HIPK2: variants seen among roughly 807,000 people sequenced by gnomAD.
HIPK2 encodes the protein homeodomain-interacting protein kinase 2.
A neutral mutation model predicts 113.7 loss-of-function variants in HIPK2; 27 were observed. The ratio of observed to expected loss-of-function variants is 0.24; its 90% CI spans 0.17 to 0.33. The LOEUF (loss-of-function observed/expected upper bound fraction) is 0.33. Among genes scored for constraint, HIPK2 ranks in the 10% least tolerant of loss-of-function variants. HIPK2 has a pLI of 1.00. For missense variants in HIPK2, 1,257 were observed against 1,588.0 expected (o/e 0.79, Z 3.54); for synonymous variants, 631 against 642.2 (o/e 0.98, Z 0.26).
intron 13 of HIPK2, among the ~76,000 whole-genome samples, chr7:139,582,458 C>T (rs535397881): frequency 6.6e-6 from 1 of 152,366 alleles, no homozygotes; most frequent in South Asian, 2.1e-4. Context: ...GGAGCGCTGG[C>T]TCTGATGTCA....
At chr7:139,608,499 T>C (rs1234704345) in intron 9 of HIPK2, among the ~76,000 whole-genome samples, 1 of 151,934 alleles carries the variant, frequency 6.6e-6, no homozygotes, top group Admixed American at 6.6e-5. Context: ...ATTATGTACA[T>C]GTATTACTTT....
chr7:139,682,511 C>T (rs1802740184), intron 2 of HIPK2, among the ~76,000 whole-genome samples: 2 of 152,180 alleles, frequency 1.3e-5, no homozygotes, highest in Admixed American at 1.3e-4. Flanking sequence ...TTTCCCTCAT[C>T]CCTCCCGCTG....
At chr7:139,666,540 A>T (rs1802054782) in intron 2 of HIPK2, among the ~76,000 whole-genome samples, 1 of 152,186 alleles carries the variant, frequency 6.6e-6, no homozygotes, top group East Asian at 1.9e-4. Flanking sequence ...CCACAGAGTA[A>T]ATAACTTTCT....
intron 1 of HIPK2, among the ~76,000 whole-genome samples, chr7:139,749,192 C>T (rs1029526814): frequency 6.6e-6 from 1 of 152,220 alleles, no homozygotes; most frequent in African/African-American, 2.4e-5. Flanking sequence ...ACCCAGACTC[C>T]TTAACATACT....
At chr7:139,603,241 T>G (rs1799500655) in intron 10 of HIPK2, among the ~76,000 whole-genome samples, 3 of 151,726 alleles carry the variant, frequency 2.0e-5, no homozygotes, top group African/African-American at 4.8e-5. Flanking sequence ...TTGAGGGGAG[T>G]GACCTGTCCT....
At chr7:139,774,828 C>A (rs991189400) in intron 1 of HIPK2, among the ~76,000 whole-genome samples, 1 of 152,178 alleles carries the variant, frequency 6.6e-6, no homozygotes, top group African/African-American at 2.4e-5. Flanking sequence ...AATGTTTAAC[C>A]TTCTAAAGAA....
chr7:139,697,877 T>A lies in HIPK2; in HGVS notation c.1103+18055A>T, dbSNP rs980087431. 1.3e-3 allele frequency among the ~76,000 whole-genome samples: 194 copies of A among 150,854 alleles called. 2 individuals are homozygous for A. The highest frequency in any genetic ancestry group is 2.0e-3 in the Non-Finnish European group (136 of 67,714). On this transcript the variant is annotated intron_variant, in intron 2 of 14. Transcript: ENST00000406875. ...GTCTTAATGGAATTTTTTTTTTTTT[T>A]TTTTTTTTTTGAGACGGAGTCTCGC...
At chr7:139,756,836 A>G (rs1007667364) in intron 1 of HIPK2, among the ~76,000 whole-genome samples, 3 of 152,204 alleles carry the variant, frequency 2.0e-5, no homozygotes, top group Non-Finnish European at 4.4e-5. Flanking sequence ...ATACTCTCCC[A>G]TATCTCCTTT....
rs149923932 is a variant in HIPK2, at chr7:139,755,883, C to T, written c.19+21722G>A. On this transcript the variant is annotated intron_variant, in intron 1 of 14. Coordinates refer to ENST00000406875, the MANE Select transcript of HIPK2 (RefSeq NM_022740.5). ...AGCTACCTTCTATTATCCATCTGCC[C>T]TTCAGATACTGCTTCTGTATCATAC... is the stretch of plus-strand genomic sequence containing the variant. 6.0e-3 allele frequency among the ~76,000 whole-genome samples: 911 copies of T among 152,344 alleles called. 11 individuals carry two copies. Among genetic ancestry groups the T allele is most frequent in the African/African-American group, 0.02 (816 of 41,578 alleles).
Position 139,681,629 on chromosome 7 carries a change from T to TG in HIPK2, c.1103+34302_1103+34303insC, listed in dbSNP as rs145728711. Among the ~76,000 whole-genome samples the TG allele has an allele frequency of 8.1e-3, 1,235 of 152,278 alleles. 19 individuals carry two copies. The highest frequency in any genetic ancestry group is 0.028 in the African/African-American group (1,172 of 41,540). ...TCCTTTCCTGCAATTCCAAATTGACTTTTGCTGTACAAGAAAATTAAGGAT... is the reference window on the plus strand; with the variant it reads ...TCCTTTCCTGCAATTCCAAATTGACTGTTTGCTGTACAAGAAAATTAAGGAT... On this transcript the variant is annotated intron_variant, in intron 2 of 14. Transcript: ENST00000406875.
chr7:139,661,860 CT>C (rs1376668892), intron 2 of HIPK2, among the ~76,000 whole-genome samples: 1 of 152,216 alleles, frequency 6.6e-6, no homozygotes, highest in Non-Finnish European at 1.5e-5. Flanking sequence ...TGCATTAACC[CT>C]TTTGACAGCC....
chr7:139,706,457 C>T (rs1028582290), intron 2 of HIPK2, among the ~76,000 whole-genome samples: 2 of 152,144 alleles, frequency 1.3e-5, no homozygotes, highest in Admixed American at 1.3e-4. Flanking sequence ...CATGGGATGC[C>T]GCTCATATCA....
chr7:139,614,562 G>T, intron 7 of HIPK2, 69 bp from the exon 8 acceptor site: 1 of 987,560 alleles, frequency 1.0e-6, no homozygotes. Flanking sequence ...CATGTTGGGA[G>T]ACACGAATCT....
At chr7:139,614,540 T>C (rs544231165) in intron 7 of HIPK2, 47 bp from the exon 8 acceptor site, 1 of 1,189,928 alleles carries the variant, frequency 8.4e-7, no homozygotes, top group Non-Finnish European at 1.1e-6. Flanking sequence ...AAATAAAAAA[T>C]GAGGGAGGTG....
chr7:139,701,061 C>G lies in HIPK2; in HGVS notation c.1103+14871G>C, dbSNP rs1049353055. Among the ~76,000 whole-genome samples the G allele has an allele frequency of 1.6e-3, 247 of 152,352 alleles. 1 individual carries two copies. The highest frequency in any genetic ancestry group is 3.4e-3 in the Middle Eastern group (1 of 294). Reference sequence around the variant, plus strand: ...TGTTTCTGTCAGCGCCAGCACCAAACTAACTGGGACCTGCATGGCGTCCTG... The same window carrying G: ...TGTTTCTGTCAGCGCCAGCACCAAAGTAACTGGGACCTGCATGGCGTCCTG... On this transcript the variant is annotated intron_variant, in intron 2 of 14. Coordinates refer to ENST00000406875, the MANE Select transcript of HIPK2 (RefSeq NM_022740.5).
Position 139,721,073 on chromosome 7 carries a change from G to A in HIPK2, c.20-4058C>T, listed in dbSNP as rs547428476. Among the ~76,000 whole-genome samples the A allele has an allele frequency of 9.3e-4, 142 of 152,260 alleles. 2 individuals carry two copies. The South Asian group carries it at 0.012, about 12-fold the overall frequency. ...GCTGGAAACACCCTGCACCACAGCC[G>A]GCTGCCTCAGACTCCGGCCTGGCCT... On this transcript the variant is annotated intron_variant, in intron 1 of 14. Transcript: ENST00000406875.
At chr7:139,696,560 G>A (rs1288904870) in intron 2 of HIPK2, among the ~76,000 whole-genome samples, 1 of 145,926 alleles carries the variant, frequency 6.9e-6, no homozygotes, top group Non-Finnish European at 1.5e-5. Flanking sequence ...TTTAGCCAGG[G>A]TGACTGAATG....
At chr7:139,709,402 A>G (rs970550827) in intron 2 of HIPK2, among the ~76,000 whole-genome samples, 1 of 152,258 alleles carries the variant, frequency 6.6e-6, no homozygotes, top group African/African-American at 2.4e-5. Flanking sequence ...CAAGCTATGC[A>G]ATTTTTGAAA....
At chr7:139,718,912 C>T (rs1371278105) in intron 1 of HIPK2, among the ~76,000 whole-genome samples, 1 of 152,210 alleles carries the variant, frequency 6.6e-6, no homozygotes, top group African/African-American at 2.4e-5. Flanking sequence ...TCTCCCCCAA[C>T]TCGTTAATGC....
Sources: allele counts gnomAD v4.1 joint callset (sites outside exome capture counted in the v4.1 genomes callset), GRCh38; gene constraint gnomAD v4.1.1; transcripts MANE v1.5; gene names NCBI Gene and HGNC (gene_info 2026-07-23, HGNC 2026-07-21).